Variants in STK4 observed in about 807,000 individuals in gnomAD.
STK4 encodes the protein serine/threonine-protein kinase 4.
Under a neutral mutation model 64.9 loss-of-function variants are expected in STK4, and 30 were observed. The ratio of observed to expected loss-of-function variants is 0.46; its 90% CI spans 0.35 to 0.63. The LOEUF is 0.63. STK4 is among the 20% of genes least tolerant of loss of function. The pLI is 0.01. For synonymous variants in STK4, 177 were observed against 199.0 expected (o/e 0.89, Z 0.93); for missense variants, 466 against 598.5 (o/e 0.78, Z 2.31).
chr20:45,069,636 C>T (rs780944670), intron 10 of STK4, among the ~76,000 whole-genome samples: 2 of 152,162 alleles, frequency 1.3e-5, no homozygotes, highest in Non-Finnish European at 2.9e-5. Context: ...GAGGGCAGAA[C>T]GCACTTCTTA....
chr20:45,068,787 A>C (rs576854443), intron 10 of STK4, among the ~76,000 whole-genome samples: 2 of 152,236 alleles, frequency 1.3e-5, no homozygotes, highest in Non-Finnish European at 2.9e-5. Flanking sequence ...AGATGGATTA[A>C]ATAAAATAGT....
At chr20:45,010,292 C>T (rs2068022092) in intron 9 of STK4, among the ~76,000 whole-genome samples, 1 of 152,082 alleles carries the variant, frequency 6.6e-6, no homozygotes, top group African/African-American at 2.4e-5. Context: ...GTCTCCAACT[C>T]CTGACCTTGT....
chr20:45,012,661 T>C (rs2068070800), intron 9 of STK4, among the ~76,000 whole-genome samples: 1 of 152,186 alleles, frequency 6.6e-6, no homozygotes, highest in South Asian at 2.1e-4. Context: ...TGTAGATATT[T>C]ATGGACTGTT....
At chr20:45,016,337 T>C (rs1423929930) in intron 9 of STK4, among the ~76,000 whole-genome samples, 3 of 152,186 alleles carry the variant, frequency 2.0e-5, no homozygotes, top group Non-Finnish European at 4.4e-5. Context: ...CGACTGGATT[T>C]TTTTTCCACC....
chr20:44,988,933 G>T (rs2067585893), intron 5 of STK4, among the ~76,000 whole-genome samples: 1 of 151,926 alleles, frequency 6.6e-6, no homozygotes, highest in Admixed American at 6.6e-5. Flanking sequence ...TAATGTTTTT[G>T]AGTTCATCCA....
chr20:45,062,980 G>T (rs894863185), intron 10 of STK4, among the ~76,000 whole-genome samples: 14 of 78,542 alleles, frequency 1.8e-4, no homozygotes, highest in Non-Finnish European at 2.7e-5. Flanking sequence ...GTGAGCCACC[G>T]CACCCGGCCT....
intron 10 of STK4, among the ~76,000 whole-genome samples, chr20:45,031,684 G>A (rs2068445835): frequency 6.6e-6 from 1 of 151,920 alleles, no homozygotes; most frequent in African/African-American, 2.4e-5. Context: ...GGCGGACCAC[G>A]TGAGGTCAGG....
In STK4 at chr20:44,997,136, A is replaced by G; in HGVS notation, c.694-33A>G. ...ATTGGAGCATTACTTTTATTTTACC[A>G]GATCTTTTTGTTTGTTTGTTTGTTC... On this transcript the variant is annotated intron_variant, in intron 6 of 10. Transcript: ENST00000372806. 3 of 1,611,518 alleles carry G rather than the reference A, an allele frequency of 1.9e-6. No homozygotes were observed. In the South Asian group the frequency reaches 3.3e-5, roughly 18 times the overall value.
At chr20:45,072,127 T>C (rs1183513984) in intron 10 of STK4, among the ~76,000 whole-genome samples, 1 of 152,162 alleles carries the variant, frequency 6.6e-6, no homozygotes, top group Non-Finnish European at 1.5e-5. Flanking sequence ...TTAAGTAGCT[T>C]TGGACTGGGG....
At chr20:45,046,762 A>G (rs1162793185) in intron 10 of STK4, among the ~76,000 whole-genome samples, 2 of 150,180 alleles carry the variant, frequency 1.3e-5, no homozygotes, top group African/African-American at 4.9e-5. Flanking sequence ...GCTCACTGCA[A>G]CCTCCGCCTC....
intron 10 of STK4, among the ~76,000 whole-genome samples, chr20:45,040,680 A>G (rs1434410131): frequency 6.6e-6 from 1 of 151,668 alleles, no homozygotes; most frequent in African/African-American, 2.4e-5. Flanking sequence ...GGGAAATGGT[A>G]ATTAGAGACC....
At chr20:45,042,849 T>A (rs970026368) in intron 10 of STK4, among the ~76,000 whole-genome samples, 1 of 147,734 alleles carries the variant, frequency 6.8e-6, no homozygotes, top group Non-Finnish European at 1.5e-5. Context: ...TTTTAAAAAT[T>A]TCCAACTTTT....
intron 5 of STK4, among the ~76,000 whole-genome samples, chr20:44,989,070 G>T (rs909340598): frequency 2.0e-5 from 3 of 152,112 alleles, no homozygotes. Context: ...TTGGCTGTTA[G>T]GAATAATGCT....
chr20:44,987,855 T>C (rs188566401), intron 5 of STK4, among the ~76,000 whole-genome samples: 7 of 152,076 alleles, frequency 4.6e-5, no homozygotes, highest in Non-Finnish European at 1.5e-5. Flanking sequence ...AAAATAGAAA[T>C]AGTTTTAGGC....
chr20:44,987,713 A>G (rs6031915), intron 5 of STK4, among the ~76,000 whole-genome samples: 2,702 of 152,198 alleles, frequency 0.018, 86 homozygotes, highest in African/African-American at 0.061. Flanking sequence ...TGAGTCCAGG[A>G]TACAGTCTCT....
intron 3 of STK4, among the ~76,000 whole-genome samples, 200 bp from the exon 4 acceptor site, chr20:44,981,628 AG>A (rs2067441304): frequency 6.6e-6 from 1 of 152,182 alleles, no homozygotes; most frequent in African/African-American, 2.4e-5. Flanking sequence ...GAACTCACCA[AG>A]TTTTTTATAC....
At chr20:45,053,029 A>G (rs1298693015) in intron 10 of STK4, 4 of 1,346,970 alleles carry the variant, frequency 3.0e-6, no homozygotes, top group Non-Finnish European at 4.2e-6. Flanking sequence ...AAGTATGTTG[A>G]GACTGAATTT....
At chr20:45,020,462 GTGTGTATGTTTATGTT>G (rs1479976102) in intron 9 of STK4, among the ~76,000 whole-genome samples, 44 of 137,278 alleles carry the variant, frequency 3.2e-4, no homozygotes, top group African/African-American at 1.0e-3. Flanking sequence ...GTGTGTGTGT[GTGTGTATGTTTATGTT>G]TATGTTTATG....
At position 45,026,773 on chromosome 20, in the gene STK4, T is replaced by C. The variant is rs1241144390; in HGVS notation, c.1305+1643T>C. 2.0e-5 allele frequency among the ~76,000 whole-genome samples: 3 copies of C among 152,282 alleles called. No homozygotes were observed. In the East Asian group the frequency reaches 5.8e-4, roughly 29 times the overall value. ...ACAGGTGCAGTGTTTTTATTTACTA[T>C]TCAAAGGTGGCAAATTATGGGGCAC... On this transcript the variant is annotated intron_variant, in intron 10 of 10. Transcript: ENST00000372806.
Sources: gnomAD v4.1 joint callset for allele counts (sites outside exome capture counted in the v4.1 genomes callset) on GRCh38, gnomAD v4.1.1 for gene constraint, MANE v1.5 for transcripts, NCBI Gene and HGNC (gene_info 2026-07-23, HGNC 2026-07-21) for gene names.